The following BLOC1S1 variants were observed in gnomAD, a reference collection of about 807,000 sequenced individuals.
BLOC1S1 encodes biogenesis of lysosome-related organelles complex 1 subunit 1.
In BLOC1S1, 11 loss-of-function variants were observed where a neutral mutation model predicts 19.0. The observed-to-expected ratio is 0.58, with a 90% CI of 0.37 to 0.96. The LOEUF is 0.96. Among genes scored for constraint, BLOC1S1 ranks in the 40% least tolerant of loss-of-function variants. The pLI is 0.01. For missense variants in BLOC1S1, 220 were observed against 195.9 expected, an observed-to-expected ratio of 1.12 and a Z score of -0.73; for synonymous variants, 94 against 76.4, an observed-to-expected ratio of 1.23 and a Z score of -1.20.
At position 55,719,670 on chromosome 12, in the gene BLOC1S1, C is replaced by A; in HGVS notation, c.*61C>A. On this transcript the variant is annotated 3_prime_UTR_variant, in exon 4 of 4. Coordinates refer to ENST00000548925, the MANE Select transcript of BLOC1S1 (RefSeq NM_001487.4). ...TCACCCGCAGGGGGAAGGAGGGAGG[C>A]TGACAAGCCTTGAATAAAACACAAG... 1 of 1,409,060 alleles carries A rather than the reference C, an allele frequency of 7.1e-7. No individual in the cohort carries two copies. Among genetic ancestry groups the A allele is most frequent in the Non-Finnish European group, 1.0e-6 (1 of 1,001,402 alleles). The allele number at this position is 1,409,060 out of a possible 1,614,324, so 87.3% of individuals were successfully genotyped here.
intron 1 of BLOC1S1, 71 bp from the exon 2 acceptor site, chr12:55,716,862 G>T (rs905090985): frequency 1.4e-6 from 2 of 1,445,118 alleles, no homozygotes; most frequent in African/African-American, 2.9e-5. Flanking sequence ...TAATGGATGG[G>T]TAGGGAACCT....
rs374285734 is a variant in BLOC1S1 at position 55,719,534 on chromosome 12, C to T, written c.387C>T (p.Ile129=). The change falls in exon 4 of 4, where the codon ATC becomes ATT. Residue 129 remains isoleucine (I), a synonymous_variant. Coordinates refer to ENST00000548925, the MANE Select transcript of BLOC1S1 (RefSeq NM_001487.4). The stretch of plus-strand genomic sequence containing the variant: ...ATGTGGAGAACTGGGCTCGGAGCAT[C>T]GAGCTGGACATGCGCACCATTGCCA... ...IGDVENWARS[I]ELDMRTIATA... 28 of 1,614,080 alleles carry T rather than the reference C, an allele frequency of 1.7e-5. No homozygotes were observed. The East Asian group carries it at 4.2e-4, about 24-fold the overall frequency.
At chr12:55,718,635 G>T (rs1318966519) in intron 2 of BLOC1S1, among the ~76,000 whole-genome samples, 1 of 152,098 alleles carries the variant, frequency 6.6e-6, no homozygotes, top group Non-Finnish European at 1.5e-5. Flanking sequence ...GAGGGGGTTT[G>T]TACTCCCATC....
chr12:55,719,216 C>G lies in BLOC1S1; in HGVS notation c.344C>G (p.Ala115Gly). The G allele has an allele frequency of 6.2e-7, 1 of 1,614,002 alleles. No homozygotes were observed. The highest frequency in any genetic ancestry group is 1.1e-5 in the South Asian group (1 of 91,076). The change falls in exon 3 of 4, where the codon GCA becomes GGA. Residue 115 changes from alanine (A) to glycine (G), a missense_variant. Ala to Gly is a moderately conservative substitution (Grantham distance 60). Coordinates refer to ENST00000548925, the MANE Select transcript of BLOC1S1 (RefSeq NM_001487.4). Reference sequence around the variant, plus strand: ...GGAATGGTGGAGAACTTCAACCAGGCACTCAAGGTGGGCCATACTCCCTAC... The same window carrying G: ...GGAATGGTGGAGAACTTCAACCAGGGACTCAAGGTGGGCCATACTCCCTAC... ...WIGMVENFNQ[A>G]LKEIGDVENW...
intron 3 of BLOC1S1, 49 bp from the exon 4 acceptor site, chr12:55,719,450 C>T: frequency 6.4e-7 from 1 of 1,553,668 alleles, no homozygotes. Flanking sequence ...GGAAGCCATA[C>T]TCTACCCATT....
At chr12:55,719,265 C>T (rs1876793023) in intron 3 of BLOC1S1, 42 bp downstream of exon 3, 3 of 1,613,868 alleles carry the variant, frequency 1.9e-6, no homozygotes, top group Non-Finnish European at 2.5e-6. Context: ...TCCTGGGCCC[C>T]CATTGGCTGC....
In BLOC1S1 at chr12:55,716,324, G is replaced by T. The variant is rs1876522439; in HGVS notation, c.145+128G>T. 3 of 1,493,214 alleles carry T rather than the reference G, an allele frequency of 2.0e-6. No homozygotes were observed. In the Admixed American group the frequency reaches 8.1e-5, roughly 40 times the overall value. 92.5% of individuals were successfully genotyped at this position (1,493,214 alleles called of 1,614,324 possible). A position where few individuals can be genotyped will look rare whatever the true frequency, so the allele number is the denominator to read the frequency against. On this transcript the variant is annotated intron_variant, in intron 1 of 3. Transcript: ENST00000548925. Reference sequence around the variant, plus strand: ...GCTAGCGGGCAACGGGCATGGGGGAGAGGGAATTTCAGAGAGGCTTTTTTT... The same window carrying T: ...GCTAGCGGGCAACGGGCATGGGGGATAGGGAATTTCAGAGAGGCTTTTTTT...
At chr12:55,719,453 T>C (rs1291458481) in intron 3 of BLOC1S1, 46 bp from the exon 4 acceptor site, 1 of 1,559,908 alleles carries the variant, frequency 6.4e-7, no homozygotes, top group Non-Finnish European at 8.8e-7. Flanking sequence ...AGCCATACTC[T>C]ACCCATTCTG....
At chr12:55,717,128 AC>A (rs1876621989) in intron 2 of BLOC1S1, 123 bp downstream of exon 2, 5 of 678,566 alleles carry the variant, frequency 7.4e-6, no homozygotes, top group Non-Finnish European at 1.2e-5. Context: ...CCCCTATCCT[AC>A]CCCGCCCCTC....
In BLOC1S1 at chr12:55,716,667, C is replaced by T. The variant is rs75469023; in HGVS notation, c.146-266C>T. 57 of 1,289,474 alleles carry T rather than the reference C, an allele frequency of 4.4e-5. 2 individuals are homozygous for T. In the East Asian group the frequency reaches 2.0e-3, roughly 45 times the overall value. 79.9% of individuals were successfully genotyped at this position (1,289,474 alleles called of 1,614,324 possible). ...GCGGCCGAGTAGTGGAGAAAGAGTGCCTGGGAGTCAGGAGTCCTGGGCGCT... is the reference window on the plus strand; with the variant it reads ...GCGGCCGAGTAGTGGAGAAAGAGTGTCTGGGAGTCAGGAGTCCTGGGCGCT... On this transcript the variant is annotated intron_variant, in intron 1 of 3. Transcript: ENST00000548925.
chr12:55,718,819 TC>T (rs1302584618), intron 2 of BLOC1S1, among the ~76,000 whole-genome samples: 1 of 152,000 alleles, frequency 6.6e-6, no homozygotes, highest in East Asian at 1.9e-4. Flanking sequence ...TTCCCTCCCT[TC>T]CCCCACTCAG....
chr12:55,719,656 G>C lies in BLOC1S1; in HGVS notation c.*47G>C. 15 of 1,510,848 alleles carry C rather than the reference G, an allele frequency of 9.9e-6. No homozygotes were observed. The highest frequency in any genetic ancestry group is 1.4e-5 in the Non-Finnish European group (15 of 1,089,116). The allele number at this position is 1,510,848 out of a possible 1,614,324, so 93.6% of individuals were successfully genotyped here. On this transcript the variant is annotated 3_prime_UTR_variant, in exon 4 of 4. Transcript: ENST00000548925. ...CTATCCCTCCTACCTCACCCGCAGG[G>C]GGAAGGAGGGAGGCTGACAAGCCTT...
At chr12:55,716,795 C>T (rs1052094769) in intron 1 of BLOC1S1, 138 bp from the exon 2 acceptor site, 4 of 1,265,310 alleles carry the variant, frequency 3.2e-6, no homozygotes, top group Non-Finnish European at 4.3e-6. Context: ...TTGCAAGGTC[C>T]TTTTCAGCTC....
intron 3 of BLOC1S1, 110 bp from the exon 4 acceptor site, chr12:55,719,389 G>A (rs2136136919): frequency 1.4e-6 from 2 of 1,452,402 alleles, no homozygotes; most frequent in Non-Finnish European, 1.9e-6. Context: ...GCAGTTGGTG[G>A]GTCCAAGTAA....
At position 55,719,066 on chromosome 12, in the gene BLOC1S1, TCTC is replaced by T. The variant is rs142083410; in HGVS notation, c.219-20_219-18del. 3,859 of 1,611,016 alleles carry T rather than the reference TCTC, an allele frequency of 2.4e-3. 73 individuals are homozygous for T. The African/African-American group carries it at 0.044, about 18-fold the overall frequency. ...ACCACCCCCAACTAGCTGGAGCTGA[TCTC>T]CTCCCTCCTCCAACCCCCCAGTGTG... On this transcript the variant is annotated intron_variant, in intron 2 of 3. Coordinates refer to ENST00000548925, the MANE Select transcript of BLOC1S1 (RefSeq NM_001487.4).
At chr12:55,718,949 A>T in intron 2 of BLOC1S1, 142 bp from the exon 3 acceptor site, 1 of 988,874 alleles carries the variant, frequency 1.0e-6, no homozygotes, top group Non-Finnish European at 1.5e-6. Context: ...ATGTACTGGT[A>T]GTCATTTGCA....
At chr12:55,719,460 T>C (rs368380422) in intron 3 of BLOC1S1, 39 bp from the exon 4 acceptor site, 1 of 1,588,268 alleles carries the variant, frequency 6.3e-7, no homozygotes, top group Non-Finnish European at 8.6e-7. Flanking sequence ...CTCTACCCAT[T>C]CTGATTCCTG....
At chr12:55,719,454 A>C (rs1236210988) in intron 3 of BLOC1S1, 45 bp from the exon 4 acceptor site, 1 of 1,559,114 alleles carries the variant, frequency 6.4e-7, no homozygotes, top group African/African-American at 1.4e-5. Context: ...GCCATACTCT[A>C]CCCATTCTGA....
At position 55,716,210 on chromosome 12, in the gene BLOC1S1, C is replaced by G. The variant is rs1271061660; in HGVS notation, c.145+14C>G. The G allele has an allele frequency of 6.2e-7, 1 of 1,600,078 alleles. No homozygotes were observed. Among genetic ancestry groups the G allele is most frequent in the Non-Finnish European group, 8.5e-7 (1 of 1,173,612 alleles). ...AGGAGCTGCAGGGTGAGCCAAATATCCTGTCGGCCGTTTTCTCTTCGGCCG... is the reference window on the plus strand; with the variant it reads ...AGGAGCTGCAGGGTGAGCCAAATATGCTGTCGGCCGTTTTCTCTTCGGCCG... On this transcript the variant is annotated intron_variant, in intron 1 of 3. Transcript: ENST00000548925.
Sources: gnomAD v4.1 joint callset for allele counts (sites outside exome capture counted in the v4.1 genomes callset) on GRCh38, gnomAD v4.1.1 for gene constraint, MANE v1.5 for transcripts, NCBI Gene and HGNC (gene_info 2026-07-23, HGNC 2026-07-21) for gene names.